The following VAPB variants were observed in gnomAD, a reference collection of about 807,000 sequenced individuals.
VAPB encodes vesicle-associated membrane protein-associated protein B/C.
Under a neutral mutation model 25.6 loss-of-function variants are expected in VAPB, and 7 were observed. That is an observed-to-expected ratio of 0.27 (90% CI 0.16 to 0.51). The LOEUF (loss-of-function observed/expected upper bound fraction) is 0.51, where lower values mean the gene tolerates loss of function less well. Ranked by LOEUF, VAPB falls within the 20% of genes least tolerant of loss-of-function variation. The pLI, the probability that VAPB is intolerant of heterozygous loss-of-function variation, is 0.97. For missense variants in VAPB, 266 were observed against 301.3 expected (o/e 0.88, Z 0.87); for synonymous variants, 112 against 109.2 (o/e 1.03, Z -0.16).
chr20:58,438,019 C>A (rs1386081082), intron 3 of VAPB, among the ~76,000 whole-genome samples: 1 of 152,124 alleles, frequency 6.6e-6, no homozygotes, highest in Non-Finnish European at 1.5e-5. Flanking sequence ...TCTTCTGCTG[C>A]CAAAAGGAGA....
chr20:58,450,493 G>A lies in VAPB; in HGVS notation c.*6258G>A. 1 of 453,638 alleles carries A rather than the reference G, an allele frequency of 2.2e-6. No individual in the cohort carries two copies. The highest frequency in any genetic ancestry group is 4.4e-6 in the Non-Finnish European group (1 of 226,720). The allele number at this position is 453,638 out of a possible 1,614,324, so 28.1% of individuals were successfully genotyped here. On this transcript the variant is annotated 3_prime_UTR_variant, in exon 6 of 6. Coordinates refer to ENST00000475243, the MANE Select transcript of VAPB (RefSeq NM_004738.5). ...CAAAATATATTTGGTTCTCATTTCT[G>A]TTGCTGTCGTTTCCTTTTTAAAGAC...
rs753594794 is a variant in VAPB at position 58,444,336 on chromosome 20, A to T, written c.*101A>T. The stretch of plus-strand genomic sequence containing the variant: ...TGTAAAAAGAAATTAATGTATGATG[A>T]CATCTCACAGGTCTTGCCTTTAAAT... On this transcript the variant is annotated 3_prime_UTR_variant, in exon 6 of 6. Transcript: ENST00000475243. The T allele has an allele frequency of 6.4e-7, 1 of 1,568,070 alleles. No individual in the cohort carries two copies. Among genetic ancestry groups the T allele is most frequent in the African/African-American group, 1.4e-5 (1 of 74,004 alleles).
intron 4 of VAPB, chr20:58,439,361 C>CT: frequency 3.3e-6 from 1 of 302,490 alleles, no homozygotes. Flanking sequence ...ACAATTTGCC[C>CT]TTTATCATGG....
intron 1 of VAPB, among the ~76,000 whole-genome samples, chr20:58,411,321 G>A (rs1032448922): frequency 2.6e-5 from 4 of 152,102 alleles, no homozygotes; most frequent in Non-Finnish European, 5.9e-5. Flanking sequence ...TTACTCTGTC[G>A]CCCAGGCTGA....
chr20:58,418,382 G>A lies in VAPB; in HGVS notation c.211+19G>A, dbSNP rs1225492890. 2.0e-5 allele frequency: 32 copies of A among 1,613,232 alleles called. No individual in the cohort carries two copies. Among genetic ancestry groups the A allele is most frequent in the Non-Finnish European group, 2.6e-5 (31 of 1,179,534 alleles). On this transcript the variant is annotated intron_variant, in intron 2 of 5. Transcript: ENST00000475243. ...GTATCTGGTAAGTCCTGAGACTGGA[G>A]GCCTAGAGGGTGGGCTCAGAAGGCC...
intron 1 of VAPB, among the ~76,000 whole-genome samples, chr20:58,397,620 C>T (rs1438660067): frequency 6.6e-6 from 1 of 151,798 alleles, no homozygotes; most frequent in Non-Finnish European, 1.5e-5. Flanking sequence ...GTAGAGATTT[C>T]ATAGGCTTGC....
Position 58,444,786 on chromosome 20 carries a change from T to TAAGTGA in VAPB, c.*551_*552insAAGTGA, listed in dbSNP as rs1989242825. On this transcript the variant is annotated 3_prime_UTR_variant, in exon 6 of 6. Transcript: ENST00000475243. ...CCAAAGGAATTGCACTGTGGCAGCA[T>TAAGTGA]CAGACGTACTCGTCATAAGTGAGAG... 2.2e-6 allele frequency: 1 copy of TAAGTGA among 454,468 alleles called. No homozygotes were observed. Among genetic ancestry groups the TAAGTGA allele is most frequent in the Admixed American group, 2.3e-5 (1 of 42,560 alleles). The allele number at this position is 454,468 out of a possible 1,614,324, so 28.2% of individuals were successfully genotyped here. A position where few individuals can be genotyped will look rare whatever the true frequency, so the allele number is the denominator to read the frequency against.
At chr20:58,427,653 G>C (rs1341714668) in intron 2 of VAPB, among the ~76,000 whole-genome samples, 1 of 151,910 alleles carries the variant, frequency 6.6e-6, no homozygotes, top group Non-Finnish European at 1.5e-5. Flanking sequence ...TTACCATTAT[G>C]ATGCAGGCAG....
chr20:58,448,861 GA>G lies in VAPB; in HGVS notation c.*4629del. On this transcript the variant is annotated 3_prime_UTR_variant, in exon 6 of 6. Coordinates refer to ENST00000475243, the MANE Select transcript of VAPB (RefSeq NM_004738.5). The stretch of plus-strand genomic sequence containing the variant: ...CTGGAGAATGACTTTGGGGGCTTTA[GA>G]AAGAATATTGCCAGTCCGTCTCGGC... 1 of 454,094 alleles carries G rather than the reference GA, an allele frequency of 2.2e-6. No homozygotes were observed. The highest frequency in any genetic ancestry group is 4.4e-6 in the Non-Finnish European group (1 of 226,798). 28.1% of individuals were successfully genotyped at this position (454,094 alleles called of 1,614,324 possible).
chr20:58,442,640 A>G (rs1164945211), intron 5 of VAPB, among the ~76,000 whole-genome samples: 1 of 152,182 alleles, frequency 6.6e-6, no homozygotes, highest in African/African-American at 2.4e-5. Context: ...CTGGCCAACA[A>G]ATTTACTGAG....
At chr20:58,395,891 A>G (rs1987947692) in intron 1 of VAPB, among the ~76,000 whole-genome samples, 1 of 152,228 alleles carries the variant, frequency 6.6e-6, no homozygotes, top group South Asian at 2.1e-4. Context: ...TAAACTTGAC[A>G]GTCACTTGAG....
At chr20:58,428,400 T>C (rs1988854592) in intron 2 of VAPB, among the ~76,000 whole-genome samples, 1 of 152,248 alleles carries the variant, frequency 6.6e-6, no homozygotes, top group Non-Finnish European at 1.5e-5. Flanking sequence ...ATCATCAGTA[T>C]TCACTTGAAT....
Position 58,389,393 on chromosome 20 carries a change from TTA to T in VAPB, c.-66_-65del. 3 of 1,441,022 alleles carry T rather than the reference TTA, an allele frequency of 2.1e-6. No homozygotes were observed. The South Asian group carries it at 3.6e-5, about 18-fold the overall frequency. The allele number at this position is 1,441,022 out of a possible 1,614,324, so 89.3% of individuals were successfully genotyped here. The stretch of plus-strand genomic sequence containing the variant: ...TGTAAAACTTAAAGCGGGCGCAGCA[TTA>T]ACGCTTCCCGCCCCGGTGACCTCTC... On this transcript the variant is annotated 5_prime_UTR_variant, in exon 1 of 6. Coordinates refer to ENST00000475243, the MANE Select transcript of VAPB (RefSeq NM_004738.5).
chr20:58,398,788 A>T lies in VAPB; in HGVS notation c.58+9271A>T, dbSNP rs148032787. On this transcript the variant is annotated intron_variant, in intron 1 of 5. Transcript: ENST00000475243. The stretch of plus-strand genomic sequence containing the variant: ...TTATGATCCTGAAGTTATTAACCCA[A>T]GTTATGAACCTGACTGAGGGTTGGA... Among the ~76,000 whole-genome samples, 844 of 151,878 alleles carry T rather than the reference A, an allele frequency of 5.6e-3. 6 individuals carry two copies. Among genetic ancestry groups the T allele is most frequent in the African/African-American group, 0.019 (797 of 41,412 alleles).
intron 2 of VAPB, 48 bp from the exon 3 acceptor site, chr20:58,434,554 A>C: frequency 1.1e-6 from 1 of 922,246 alleles, no homozygotes; most frequent in Non-Finnish European, 1.8e-6. Context: ...AATAAATGGC[A>C]CTGACAACCA....
chr20:58,394,575 C>T (rs1004590719), intron 1 of VAPB, among the ~76,000 whole-genome samples: 9 of 141,422 alleles, frequency 6.4e-5, no homozygotes, highest in Non-Finnish European at 3.0e-5. Flanking sequence ...AAGTAGCTTG[C>T]TTATCAAAAG....
In VAPB at chr20:58,448,030, TGAA is replaced by T. The variant is rs781099057; in HGVS notation, c.*3800_*3802del. The stretch of plus-strand genomic sequence containing the variant: ...TTTCCCTGCCCCCGGCTGTCTGGCC[TGAA>T]GAAGGAGAAAGAACCAAACTGAACT... On this transcript the variant is annotated 3_prime_UTR_variant, in exon 6 of 6. Coordinates refer to ENST00000475243, the MANE Select transcript of VAPB (RefSeq NM_004738.5). 2.2e-5 allele frequency: 10 copies of T among 453,844 alleles called. No homozygotes were observed. Among genetic ancestry groups the T allele is most frequent in the Non-Finnish European group, 4.4e-6 (1 of 226,766 alleles). 28.1% of individuals were successfully genotyped at this position (453,844 alleles called of 1,614,324 possible).
intron 3 of VAPB, among the ~76,000 whole-genome samples, chr20:58,436,542 G>C (rs1032196075): frequency 3.3e-5 from 5 of 151,860 alleles, no homozygotes; most frequent in African/African-American, 1.2e-4. Context: ...GCCCAAGCTG[G>C]TCTCAAACTC....
rs139310279 is a variant in VAPB at position 58,415,044 on chromosome 20, G to A, written c.59-3167G>A. Reference sequence around the variant, plus strand: ...TGGAGACCGGCCTGGCCAACACAGCGAAACCCCGTCTCCACCAAAACCAGT... The same window carrying A: ...TGGAGACCGGCCTGGCCAACACAGCAAAACCCCGTCTCCACCAAAACCAGT... On this transcript the variant is annotated intron_variant, in intron 1 of 5. Coordinates refer to ENST00000475243, the MANE Select transcript of VAPB (RefSeq NM_004738.5). Among the ~76,000 whole-genome samples, 1,229 of 152,382 alleles carry A rather than the reference G, an allele frequency of 8.1e-3. 5 individuals carry two copies. The highest frequency in any genetic ancestry group is 0.017 in the African/African-American group (708 of 41,594).
Sources: gnomAD v4.1 joint callset for allele counts (sites outside exome capture counted in the v4.1 genomes callset) on GRCh38, gnomAD v4.1.1 for gene constraint, MANE v1.5 for transcripts, NCBI Gene and HGNC (gene_info 2026-07-23, HGNC 2026-07-21) for gene names.